The following CRIP2 variants were observed in gnomAD, a reference collection of about 807,000 sequenced individuals.
CRIP2 encodes the protein cysteine rich protein 2.
In CRIP2, 31 loss-of-function variants were observed where a neutral mutation model predicts 31.3. The observed-to-expected ratio is 0.99, with a 90% CI of 0.74 to 1.34. CRIP2 has a LOEUF of 1.34. Ranked by LOEUF, CRIP2 falls within the 40% of genes most tolerant of loss-of-function variation. CRIP2 has a pLI of 0.00. For missense variants in CRIP2, 389 were observed against 301.6 expected, an observed-to-expected ratio of 1.29 and a Z score of -2.15; for synonymous variants, 177 against 127.2, an observed-to-expected ratio of 1.39 and a Z score of -2.63.
intron 1 of CRIP2, among the ~76,000 whole-genome samples, chr14:105,477,941 CGCGGGCAGGCT>C (rs2083982307): frequency 1.5e-5 from 1 of 66,576 alleles, no homozygotes; most frequent in Admixed American, 1.5e-4. Context: ...GGTGTTGGAG[CGCGGGCAGGCT>C]CGAGCACAGG....
chr14:105,475,649 G>A (rs2083916215), intron 1 of CRIP2, among the ~76,000 whole-genome samples: 1 of 152,226 alleles, frequency 6.6e-6, no homozygotes, highest in Non-Finnish European at 1.5e-5. Context: ...GGATGCAGGT[G>A]GTGGCGGGAA....
At chr14:105,476,586 C>T in intron 1 of CRIP2, 1 of 985,540 alleles carries the variant, frequency 1.0e-6, no homozygotes, top group Non-Finnish European at 1.2e-6. Context: ...GGTCTGAGGG[C>T]CAGTTCCCTG....
chr14:105,476,082 C>T, intron 1 of CRIP2: 1 of 985,590 alleles, frequency 1.0e-6, no homozygotes, highest in Non-Finnish European at 1.2e-6. Context: ...CCGGCTGCCT[C>T]TCCTGGAGCC....
At position 105,479,005 on chromosome 14, in the gene CRIP2, G is replaced by A; in HGVS notation, c.364G>A (p.Glu122Lys). Residue 122 changes from glutamate to lysine, a missense_variant, in exon 5 of 8, where the codon GAG becomes AAG. Glu to Lys is a moderately conservative substitution (Grantham distance 56). Coordinates refer to ENST00000329146, the MANE Select transcript of CRIP2 (RefSeq NM_001312.4). Reference sequence around the variant, plus strand: ...CTCCAGTGTCACCACTTTCACCGGGGAGCCCAACACGTGCCCGCGCTGCAG... The same window carrying A: ...CTCCAGTGTCACCACTTTCACCGGGAAGCCCAACACGTGCCCGCGCTGCAG... ...RASSVTTFTG[E>K]PNTCPRCSKK... is the part of the protein sequence containing the mutation. The A allele has an allele frequency of 1.3e-6, 2 of 1,582,842 alleles. No individual in the cohort carries two copies. Among genetic ancestry groups the A allele is most frequent in the Non-Finnish European group, 1.7e-6 (2 of 1,167,966 alleles).
rs1373902462 is a variant in CRIP2, at chr14:105,479,192, G to A, written c.474G>A (p.Lys158=). The A allele has an allele frequency of 3.1e-6, 5 of 1,611,418 alleles. No individual in the cohort carries two copies. Among genetic ancestry groups the A allele is most frequent in the Non-Finnish European group, 4.2e-6 (5 of 1,179,486 alleles). Residue 158 remains lysine, a synonymous_variant, in exon 6 of 8, where the codon AAG becomes AAA. Transcript: ENST00000329146. ...RPCLRCERCG[K]TLTPGGHAEH... is the part of the protein sequence containing the mutation. Reference sequence around the variant, plus strand: ...GCCTGCGCTGCGAGCGCTGCGGGAAGACACTGACCCCCGGCGGGCACGCGG... The same window carrying A: ...GCCTGCGCTGCGAGCGCTGCGGGAAAACACTGACCCCCGGCGGGCACGCGG...
At position 105,476,718 on chromosome 14, in the gene CRIP2, G is replaced by A. The variant is rs956360257; in HGVS notation, c.44-1548G>A. On this transcript the variant is annotated intron_variant, in intron 1 of 7. Transcript: ENST00000329146. Reference sequence around the variant, plus strand: ...TGCTGCTGGGACACGCCTGCCCACCGTGCAGCCAGCCCCTGCCTGCCCTGG... The same window carrying A: ...TGCTGCTGGGACACGCCTGCCCACCATGCAGCCAGCCCCTGCCTGCCCTGG... 32 of 985,300 alleles carry A rather than the reference G, an allele frequency of 3.2e-5. No homozygotes were observed. In the East Asian group the frequency reaches 1.8e-3, roughly 56 times the overall value. The allele number at this position is 985,300 out of a possible 1,614,324, so 61.0% of individuals were successfully genotyped here.
intron 1 of CRIP2, chr14:105,476,566 C>T (rs1422503452): frequency 1.0e-6 from 1 of 985,416 alleles, no homozygotes; most frequent in African/African-American, 1.7e-5. Context: ...GGCCATTGAC[C>T]CACCCAGTGG....
Position 105,479,698 on chromosome 14 carries a change from C to T in CRIP2, c.*45C>T, listed in dbSNP as rs370397607. The T allele has an allele frequency of 3.3e-5, 52 of 1,579,750 alleles. No homozygotes were observed. The African/African-American group carries it at 6.5e-4, about 20-fold the overall frequency. On this transcript the variant is annotated 3_prime_UTR_variant, in exon 8 of 8. Transcript: ENST00000329146. Reference sequence around the variant, plus strand: ...TGTGGGCTCACCTGCGCCCCAGACCCTGCAGGGGCCCCCCTGCTTGGCTCT... The same window carrying T: ...TGTGGGCTCACCTGCGCCCCAGACCTTGCAGGGGCCCCCCTGCTTGGCTCT...
Position 105,478,796 on chromosome 14 carries a change from A to G in CRIP2, c.262A>G (p.Thr88Ala). The change falls in exon 4 of 8, where the codon ACC becomes GCC. Residue 88 changes from threonine to alanine, a missense_variant. Physicochemically the swap from Thr to Ala is moderately conservative, Grantham distance 58. Transcript: ENST00000329146. This position sits in a 1 kb window ranked among gnomAD's most constrained non-coding sequence, Gnocchi z 4.9. ...EKPLAEGPQV[T>A]GPIEVPAARA... is the part of the protein sequence containing the mutation. ...GCCCCTGGCGGAGGGGCCGCAGGTC[A>G]CCGGCCCCATCGAGGTCCCCGCGGC... 7.0e-7 allele frequency: 1 copy of G among 1,431,742 alleles called. No individual in the cohort carries two copies. Among genetic ancestry groups the G allele is most frequent in the South Asian group, 1.5e-5 (1 of 67,194 alleles). 88.7% of individuals were successfully genotyped at this position (1,431,742 alleles called of 1,614,324 possible). A position where few individuals can be genotyped will look rare whatever the true frequency, so the allele number is the denominator to read the frequency against.
At chr14:105,477,551 G>C in intron 1 of CRIP2, 2 of 984,154 alleles carry the variant, frequency 2.0e-6, no homozygotes, top group Admixed American at 6.2e-5. Flanking sequence ...GTGCGAGGCA[G>C]GTGTGAGAGG....
chr14:105,475,714 C>G (rs782542429), intron 1 of CRIP2: 9 of 640,710 alleles, frequency 1.4e-5, no homozygotes, highest in Non-Finnish European at 1.9e-6. Context: ...GGCGCGCTCC[C>G]CCCGTCTGGG....
upstream of CRIP2, among the ~76,000 whole-genome samples, chr14:105,473,976 C>T (rs2083882845): frequency 6.6e-6 from 1 of 152,190 alleles, no homozygotes; most frequent in African/African-American, 2.4e-5. Context: ...TCCTTCCCTT[C>T]CTAACTCCTC....
At chr14:105,479,379 G>C in intron 6 of CRIP2, 57 bp from the exon 7 acceptor site, 1 of 1,608,756 alleles carries the variant, frequency 6.2e-7, no homozygotes, top group Admixed American at 1.7e-5. Flanking sequence ...GAAGCCTCCA[G>C]GTGATGGGTC....
intron 1 of CRIP2, chr14:105,476,467 A>G: frequency 1.0e-6 from 1 of 985,524 alleles, no homozygotes; most frequent in South Asian, 4.7e-5. Context: ...GCCACCCCAG[A>G]GCCCATGCAG....
At chr14:105,479,320 G>A (rs1262463714) in intron 6 of CRIP2, 101 bp downstream of exon 6, 4 of 1,536,674 alleles carry the variant, frequency 2.6e-6, no homozygotes, top group Non-Finnish European at 3.5e-6. Flanking sequence ...TGGTGCTTCT[G>A]GGAGCTGCGC....
chr14:105,478,660 C>T lies in CRIP2; in HGVS notation c.197-71C>T. The T allele has an allele frequency of 6.9e-7, 1 of 1,459,446 alleles. No individual in the cohort carries two copies. The highest frequency in any genetic ancestry group is 9.0e-7 in the Non-Finnish European group (1 of 1,106,430). The allele number at this position is 1,459,446 out of a possible 1,614,324, so 90.4% of individuals were successfully genotyped here. A position where few individuals can be genotyped will look rare whatever the true frequency, so the allele number is the denominator to read the frequency against. On this transcript the variant is annotated intron_variant, in intron 3 of 7. Transcript: ENST00000329146. This position sits in a 1 kb window ranked among gnomAD's most constrained non-coding sequence, Gnocchi z 4.9. Reference sequence around the variant, plus strand: ...TAGTGCCCCCCAGTCCCCAGCGGGCCGTTTTCTGAGATGCCCGGTGGCCGC... The same window carrying T: ...TAGTGCCCCCCAGTCCCCAGCGGGCTGTTTTCTGAGATGCCCGGTGGCCGC...
chr14:105,478,527 G>A lies in CRIP2; in HGVS notation c.196+20G>A. On this transcript the variant is annotated intron_variant, in intron 3 of 7. Transcript: ENST00000329146. The surrounding 1 kb of genome is among the most constrained non-coding windows in gnomAD (Gnocchi z 4.9). ...CCAAAGGTGAGCTCCGGCTGCCCTCGGCCTGCCCTGGGACCTGCTGGGAGG... is the reference window on the plus strand; with the variant it reads ...CCAAAGGTGAGCTCCGGCTGCCCTCAGCCTGCCCTGGGACCTGCTGGGAGG... The A allele has an allele frequency of 1.9e-6, 3 of 1,602,874 alleles. No homozygotes were observed. The highest frequency in any genetic ancestry group is 1.7e-6 in the Non-Finnish European group (2 of 1,176,360).
rs587720379 is a variant in CRIP2, at chr14:105,474,895, C to A, written c.33C>A (p.Thr11=). The part of the protein sequence containing the change: MASKCPKCDK[T]VYFAEKVSSL... ...CCAAATGCCCCAAGTGCGACAAGAC[C>A]GTGTACTTCGGTGAGTGCGTGCCCG... The change falls in exon 1 of 8, where the codon ACC becomes ACA. Residue 11 remains threonine (T), a synonymous_variant. Transcript: ENST00000329146. This position sits in a 1 kb window ranked among gnomAD's most constrained non-coding sequence, Gnocchi z 5.1. 2 of 1,521,640 alleles carry A rather than the reference C, an allele frequency of 1.3e-6. No homozygotes were observed. The highest frequency in any genetic ancestry group is 1.8e-6 in the Non-Finnish European group (2 of 1,135,284). The allele number at this position is 1,521,640 out of a possible 1,614,324, so 94.3% of individuals were successfully genotyped here.
intron 1 of CRIP2, among the ~76,000 whole-genome samples, chr14:105,477,985 G>A (rs1555436255): frequency 6.6e-6 from 1 of 151,258 alleles, no homozygotes; most frequent in African/African-American, 2.4e-5. Context: ...AGGCACTGAG[G>A]GGACTAACAG....
Sources: gnomAD v4.1 joint callset for allele counts (sites outside exome capture counted in the v4.1 genomes callset) on GRCh38, gnomAD v4.1.1 for gene constraint, Gnocchi (gnomAD v3.1) non-coding constraint, MANE v1.5 for transcripts, NCBI Gene and HGNC (gene_info 2026-07-23, HGNC 2026-07-21) for gene names.